Variants in SAMHD1 observed in about 807,000 individuals in gnomAD.
SAMHD1 encodes the protein SAM and HD domain containing deoxynucleoside triphosphate triphosphohydrolase 1.
In SAMHD1, 54 loss-of-function variants were observed where a neutral mutation model predicts 79.6. That is an observed-to-expected ratio of 0.68 (90% CI 0.55 to 0.85). SAMHD1 has a LOEUF of 0.85. Among genes scored for constraint, SAMHD1 ranks in the 40% least tolerant of loss-of-function variants. The probability of loss-of-function intolerance (pLI) is 0.00; values close to 1 mark genes in which losing one functional copy is unlikely to be tolerated. For synonymous variants in SAMHD1, 260 were observed against 264.1 expected (o/e 0.98, Z 0.15); for missense variants, 663 against 782.7 (o/e 0.85, Z 1.82).
At chr20:36,913,446 T>C (rs2063457222) in intron 9 of SAMHD1, among the ~76,000 whole-genome samples, 1 of 151,218 alleles carries the variant, frequency 6.6e-6, no homozygotes, top group South Asian at 2.1e-4. Context: ...TCTACAAAAA[T>C]ACAAAAATTA....
intron 13 of SAMHD1, among the ~76,000 whole-genome samples, chr20:36,902,883 GC>G (rs1178282899): frequency 6.6e-6 from 1 of 151,526 alleles, no homozygotes; most frequent in Non-Finnish European, 1.5e-5. Context: ...GATTATAGGC[GC>G]GCACCACCAC....
At chr20:36,926,164 C>T (rs2063535100) in intron 6 of SAMHD1, among the ~76,000 whole-genome samples, 1 of 151,930 alleles carries the variant, frequency 6.6e-6, no homozygotes. Flanking sequence ...ACAACCAAAA[C>T]CTGAAAACAA....
At chr20:36,912,388 G>T (rs1215737831) in intron 10 of SAMHD1, 73 bp downstream of exon 10, 3 of 884,918 alleles carry the variant, frequency 3.4e-6, no homozygotes, top group Non-Finnish European at 5.7e-6. Flanking sequence ...GAAATGTCTA[G>T]TTGAGCCTAG....
At chr20:36,893,358 G>T in intron 15 of SAMHD1, 1 of 479,526 alleles carries the variant, frequency 2.1e-6, no homozygotes, top group Non-Finnish European at 3.8e-6. Context: ...CACCTTCACG[G>T]AGCACAAACT....
intron 5 of SAMHD1, among the ~76,000 whole-genome samples, chr20:36,930,401 C>A (rs2063561385): frequency 6.6e-6 from 1 of 151,886 alleles, no homozygotes; most frequent in Non-Finnish European, 1.5e-5. Flanking sequence ...GAGGCTGAGG[C>A]ACGAGAATTG....
chr20:36,928,221 C>T (rs921937687), intron 5 of SAMHD1, among the ~76,000 whole-genome samples: 1 of 151,318 alleles, frequency 6.6e-6, no homozygotes, highest in African/African-American at 2.4e-5. Flanking sequence ...AACCCTGTCT[C>T]TACTAAAAAT....
At chr20:36,947,244 G>C (rs921722970) in intron 1 of SAMHD1, among the ~76,000 whole-genome samples, 4 of 152,070 alleles carry the variant, frequency 2.6e-5, no homozygotes, top group African/African-American at 9.7e-5. Flanking sequence ...GTGAATTCAA[G>C]AGTGCTTAAA....
chr20:36,926,932 G>A, intron 6 of SAMHD1: 3 of 410,308 alleles, frequency 7.3e-6, no homozygotes, highest in Non-Finnish European at 1.3e-5. Context: ...TGTGATTTTT[G>A]ATGCATCAAT....
intron 5 of SAMHD1, among the ~76,000 whole-genome samples, chr20:36,928,167 A>G (rs1196459373): frequency 6.6e-6 from 1 of 151,784 alleles, no homozygotes; most frequent in Non-Finnish European, 1.5e-5. Flanking sequence ...TGGGTGGATC[A>G]CTTTGAGTCA....
At position 36,930,861 on chromosome 20, in the gene SAMHD1, G is replaced by C. The variant is rs773235300; in HGVS notation, c.524C>G (p.Ala175Gly). ...ACCCAGTGCGTGAACTAGACATCCT[G>C]CTAGATACCCCACCCTGCAGAGCAA... ...FEHSLGVGYLAGCLVHALGEK... is the reference protein window; with the variant it reads ...FEHSLGVGYLGGCLVHALGEK... The change falls in exon 5 of 16, where the codon GCA (alanine) becomes GGA (glycine). Residue 175 changes from alanine (A) to glycine (G), a missense_variant. By Grantham distance (60) the Ala-to-Gly change is moderately conservative (BLOSUM62 0). Transcript: ENST00000646673. 1.9e-6 allele frequency: 3 copies of C among 1,612,564 alleles called. No individual in the cohort carries two copies. Among genetic ancestry groups the C allele is most frequent in the Non-Finnish European group, 2.5e-6 (3 of 1,178,680 alleles).
intron 15 of SAMHD1, 190 bp from the exon 16 acceptor site, chr20:36,893,256 C>G: frequency 1.5e-6 from 1 of 670,524 alleles, no homozygotes. Flanking sequence ...TACAGTCTTA[C>G]GCAGGAAGAG....
At chr20:36,893,888 G>A in intron 15 of SAMHD1, 1 of 398,648 alleles carries the variant, frequency 2.5e-6, no homozygotes, top group Non-Finnish European at 4.4e-6. Flanking sequence ...ATGCCTGTTG[G>A]TTTCCAGTTA....
chr20:36,916,414 T>C (rs771046346), intron 9 of SAMHD1: 36 of 336,882 alleles, frequency 1.1e-4, no homozygotes, highest in Non-Finnish European at 1.6e-4. Flanking sequence ...GGAGGATCAC[T>C]TGAGCTCAGG....
At chr20:36,927,379 A>G in intron 5 of SAMHD1, 127 bp from the exon 6 acceptor site, 1 of 754,430 alleles carries the variant, frequency 1.3e-6, no homozygotes, top group Non-Finnish European at 2.2e-6. Flanking sequence ...GTGTAGTGGT[A>G]CAATCTTGGC....
intron 15 of SAMHD1, 64 bp from the exon 16 acceptor site, chr20:36,893,130 A>G: frequency 6.3e-7 from 1 of 1,593,712 alleles, no homozygotes; most frequent in Admixed American, 1.7e-5. Flanking sequence ...CTTATTTCTG[A>G]GTGAAAGTCT....
chr20:36,899,702 G>C (rs1990265583), intron 13 of SAMHD1, among the ~76,000 whole-genome samples: 1 of 152,146 alleles, frequency 6.6e-6, no homozygotes, highest in Admixed American at 6.6e-5. Flanking sequence ...GAGGCAGAGA[G>C]GACTGAAACT....
At position 36,908,571 on chromosome 20, in the gene SAMHD1, G is replaced by A. The variant is rs541215694; in HGVS notation, c.1270+2647C>T. 1.2e-4 allele frequency among the ~76,000 whole-genome samples: 19 copies of A among 152,202 alleles called. 1 individual carries two copies. In the South Asian group the frequency reaches 1.7e-3, roughly 13 times the overall value. ...ATCTTTTGATTGAATTTACTGAAAG[G>A]TGTAATGTGAAGTCTGTCAAGTTGA... On this transcript the variant is annotated intron_variant, in intron 11 of 15. Transcript: ENST00000646673.
intron 5 of SAMHD1, 62 bp from the exon 6 acceptor site, chr20:36,927,314 C>CTTT (rs529639777): frequency 6.1e-4 from 470 of 765,264 alleles, no homozygotes; most frequent in East Asian, 8.1e-4. Context: ...AAACTTTTTC[C>CTTT]TTTTTTTTTT....
chr20:36,891,107 G>A lies in SAMHD1; in HGVS notation c.*1825C>T, dbSNP rs555616850. 11 of 152,362 alleles carry A rather than the reference G, an allele frequency of 7.2e-5. No homozygotes were observed. The East Asian group carries it at 9.6e-4, about 13-fold the overall frequency. The allele number at this position is 152,362 out of a possible 1,614,324, so 9.4% of individuals were successfully genotyped here. A position where few individuals can be genotyped will look rare whatever the true frequency, so the allele number is the denominator to read the frequency against. On this transcript the variant is annotated 3_prime_UTR_variant, in exon 16 of 16. Coordinates refer to ENST00000646673, the MANE Select transcript of SAMHD1 (RefSeq NM_015474.4). ...GTGCCATGGCTGACCTCACTTGTGC[G>A]TTGCTGAGCCCATATGTGAACAAAT...
Sources: gnomAD v4.1 joint callset for allele counts (sites outside exome capture counted in the v4.1 genomes callset) on GRCh38, gnomAD v4.1.1 for gene constraint, MANE v1.5 for transcripts, NCBI Gene and HGNC (gene_info 2026-07-23, HGNC 2026-07-21) for gene names.